Variants in CSMD2 observed in about 807,000 individuals in gnomAD.
The protein encoded by CSMD2 is CUB and Sushi multiple domains 2.
A neutral mutation model predicts 398.5 loss-of-function variants in CSMD2; 130 were observed. The ratio of observed to expected loss-of-function variants is 0.33; its 90% CI spans 0.28 to 0.38. CSMD2 has a LOEUF of 0.38. Among genes scored for constraint, CSMD2 ranks in the 10% least tolerant of loss-of-function variants. The pLI is 1.00. For missense variants in CSMD2, 3,829 were observed against 4,764.9 expected (o/e 0.80, Z 5.78); for synonymous variants, 1,828 against 1,908.5 (o/e 0.96, Z 1.10).
chr1:33,993,302 C>T (rs1457586740), intron 3 of CSMD2, among the ~76,000 whole-genome samples: 8 of 152,156 alleles, frequency 5.3e-5, no homozygotes, highest in Non-Finnish European at 1.0e-4. Flanking sequence ...ATACTATTAA[C>T]ATTTATTTTT....
At chr1:34,139,231 A>C (rs1455261187) in intron 1 of CSMD2, among the ~76,000 whole-genome samples, 2 of 152,198 alleles carry the variant, frequency 1.3e-5, no homozygotes, top group Non-Finnish European at 2.9e-5. Flanking sequence ...GTAATGGGTT[A>C]ATGGATTAAT....
intron 15 of CSMD2, among the ~76,000 whole-genome samples, chr1:33,733,589 C>T (rs1441931870): frequency 6.6e-6 from 1 of 152,064 alleles, no homozygotes; most frequent in Admixed American, 6.5e-5. Context: ...CCCCATAATC[C>T]CTGCGTGTCA....
At chr1:33,586,644 C>A in intron 45 of CSMD2, 27 bp from the exon 46 acceptor site, 3 of 1,463,642 alleles carry the variant, frequency 2.0e-6, no homozygotes, top group Non-Finnish European at 2.9e-6. Context: ...AACATGTAGA[C>A]CCTCTTAAGA....
intron 3 of CSMD2, among the ~76,000 whole-genome samples, chr1:34,021,736 TAA>T (rs1041297222): frequency 9.2e-5 from 14 of 152,012 alleles, no homozygotes; most frequent in African/African-American, 3.1e-4. Flanking sequence ...GATCACATGG[TAA>T]AGAGTCCCCA....
At chr1:34,013,466 G>A (rs1647652199) in intron 3 of CSMD2, among the ~76,000 whole-genome samples, 2 of 152,196 alleles carry the variant, frequency 1.3e-5, no homozygotes, top group African/African-American at 4.8e-5. Flanking sequence ...CAGCCAACAT[G>A]TGCTGAGCTC....
intron 21 of CSMD2, among the ~76,000 whole-genome samples, chr1:33,710,144 T>C (rs937093371): frequency 2.6e-5 from 4 of 152,254 alleles, no homozygotes; most frequent in Admixed American, 1.3e-4. Context: ...GTCGTGTTAC[T>C]GTCTCCTTAA....
chr1:33,555,019 A>G (rs889957554), intron 55 of CSMD2, among the ~76,000 whole-genome samples: 1 of 152,210 alleles, frequency 6.6e-6, no homozygotes, highest in African/African-American at 2.4e-5. Flanking sequence ...GCTTCCACAG[A>G]TAGTGTATTC....
At chr1:33,797,672 T>A (rs995008180) in intron 10 of CSMD2, among the ~76,000 whole-genome samples, 18 of 151,654 alleles carry the variant, frequency 1.2e-4, no homozygotes, top group African/African-American at 4.3e-4. Context: ...TTTTTCTGGG[T>A]CCCAGCAGGG....
chr1:34,075,544 G>C (rs1321871879), intron 2 of CSMD2, among the ~76,000 whole-genome samples: 3 of 152,322 alleles, frequency 2.0e-5, no homozygotes, highest in Non-Finnish European at 2.9e-5. Flanking sequence ...GACAGAATGT[G>C]TATTTCCAAT....
At chr1:34,109,281 AC>A (rs1660813323) in intron 1 of CSMD2, among the ~76,000 whole-genome samples, 1 of 152,096 alleles carries the variant, frequency 6.6e-6, no homozygotes, top group Admixed American at 6.5e-5. Flanking sequence ...CCCCAACTAC[AC>A]GTTTGAATTG....
Position 33,808,629 on chromosome 1 carries a change from C to T in CSMD2, c.1446+2114G>A, listed in dbSNP as rs568609990. On this transcript the variant is annotated intron_variant, in intron 10 of 70. Transcript: ENST00000373381. ...AGAGGGAAATTTGTAGCCTTTGATG[C>T]TTAAATCAGATTGAAAAATAATGAA... Among the ~76,000 whole-genome samples the T allele has an allele frequency of 6.9e-4, 105 of 151,902 alleles. 1 individual carries two copies. The highest frequency in any genetic ancestry group is 2.3e-3 in the South Asian group (11 of 4,818).
At chr1:33,601,954 A>G (rs528825889) in intron 43 of CSMD2, among the ~76,000 whole-genome samples, 1 of 152,378 alleles carries the variant, frequency 6.6e-6, no homozygotes, top group African/African-American at 2.4e-5. Context: ...GTGCTGGCTC[A>G]GCACCAGATG....
At position 33,519,376 on chromosome 1, in the gene CSMD2, T is replaced by G; in HGVS notation, c.*53+89A>C. On this transcript the variant is annotated intron_variant, in intron 70 of 70. Transcript: ENST00000373381. This position sits in a 1 kb window ranked among gnomAD's most constrained non-coding sequence, Gnocchi z 5.6. ...TCTTACTGGGTGTGTCTATGTGGTG[T>G]GTGCGACTCCGTTGGGTGGAGCCCC... The G allele has an allele frequency of 1.4e-6, 1 of 738,662 alleles. No homozygotes were observed. The highest frequency in any genetic ancestry group is 2.3e-6 in the Non-Finnish European group (1 of 442,664). 45.8% of individuals were successfully genotyped at this position (738,662 alleles called of 1,614,324 possible). A position where few individuals can be genotyped will look rare whatever the true frequency, so the allele number is the denominator to read the frequency against.
intron 25 of CSMD2, among the ~76,000 whole-genome samples, chr1:33,680,185 A>G (rs1182462487): frequency 4.9e-5 from 7 of 142,416 alleles, no homozygotes; most frequent in Non-Finnish European, 1.1e-4. Flanking sequence ...CAGAAAAGCA[A>G]TATTGTGATC....
intron 6 of CSMD2, among the ~76,000 whole-genome samples, chr1:33,840,576 G>A (rs1884981): frequency 0.45 from 68,771 of 152,086 alleles, 16,078 homozygotes; most frequent in East Asian, 0.62. Context: ...AAGTTTCCCA[G>A]TGACAGTTTG....
intron 32 of CSMD2, among the ~76,000 whole-genome samples, chr1:33,628,323 T>C (rs1642251734): frequency 6.6e-6 from 1 of 151,934 alleles, no homozygotes; most frequent in African/African-American, 2.4e-5. Flanking sequence ...AAAATCCATA[T>C]GCATGTATCA....
rs544694482 is a variant in CSMD2, at chr1:33,998,251, T to C, written c.517+34343A>G. 3.9e-5 allele frequency among the ~76,000 whole-genome samples: 6 copies of C among 152,208 alleles called. No individual in the cohort carries two copies. In the East Asian group the frequency reaches 1.2e-3, roughly 30 times the overall value. ...TCTTGCTCTGTGCTGGATGGTGCCCTGCATCTCCTCTGGACTCTGCAGAGT... is the reference window on the plus strand; with the variant it reads ...TCTTGCTCTGTGCTGGATGGTGCCCCGCATCTCCTCTGGACTCTGCAGAGT... On this transcript the variant is annotated intron_variant, in intron 3 of 70. Transcript: ENST00000373381.
In CSMD2 at chr1:34,145,121, A is replaced by C. The variant is rs184794755; in HGVS notation, c.187+19790T>G. Among the ~76,000 whole-genome samples, 393 of 152,312 alleles carry C rather than the reference A, an allele frequency of 2.6e-3. 1 individual carries two copies. Among genetic ancestry groups the C allele is most frequent in the Non-Finnish European group, 2.6e-3 (178 of 68,016 alleles). ...GGCTGCCTGCTTCTTTGAAAGAGGA[A>C]AGTGAAATGAGGTGCATTTGGGGGA... On this transcript the variant is annotated intron_variant, in intron 1 of 70. Transcript: ENST00000373381.
At chr1:33,615,139 G>C (rs187966774) in intron 39 of CSMD2, among the ~76,000 whole-genome samples, 1 of 152,240 alleles carries the variant, frequency 6.6e-6, no homozygotes, top group East Asian at 1.9e-4. Flanking sequence ...GGCTCACCAC[G>C]AGCCCATCCT....
Sources: allele counts gnomAD v4.1 joint callset (sites outside exome capture counted in the v4.1 genomes callset), GRCh38; gene constraint gnomAD v4.1.1; non-coding constraint Gnocchi (gnomAD v3.1); transcripts MANE v1.5; gene names NCBI Gene and HGNC (gene_info 2026-07-23, HGNC 2026-07-21).